C10orf71: variants seen among roughly 807,000 people sequenced by gnomAD.
C10orf71 encodes cardiac-enriched FHL2-interacting protein.
For synonymous variants in C10orf71, 758 were observed against 726.3 expected (o/e 1.04, Z -0.70); for missense variants, 1,869 against 1,804.5 (o/e 1.04, Z -0.65).
chr10:49,306,970 C>G (rs1435939178), intron 1 of C10orf71, among the ~76,000 whole-genome samples: 3 of 152,228 alleles, frequency 2.0e-5, no homozygotes, highest in Non-Finnish European at 2.9e-5. Context: ...GCAGCAGAAC[C>G]ATGGCTGCCA....
At chr10:49,305,473 TTAA>T (rs886779057) in intron 1 of C10orf71, among the ~76,000 whole-genome samples, 16 of 152,292 alleles carry the variant, frequency 1.1e-4, no homozygotes, top group African/African-American at 3.4e-4. Context: ...ATAATAAATA[TTAA>T]TAATACTAGG....
chr10:49,297,478 C>A (rs1256831182), upstream of C10orf71, among the ~76,000 whole-genome samples: 1 of 152,144 alleles, frequency 6.6e-6, no homozygotes, highest in Non-Finnish European at 1.5e-5. Context: ...TTTAAATTTT[C>A]TTTAAAGGAA....
At position 49,323,595 on chromosome 10, in the gene C10orf71, G is replaced by T. The variant is rs373739260; in HGVS notation, c.1050G>T (p.Gly350=). Reference sequence around the variant, plus strand: ...CTCTGTCCACATCTATACCCTGGGGGTGCAGGGATCCAGGAGCCCAGGTAT... The same window carrying T: ...CTCTGTCCACATCTATACCCTGGGGTTGCAGGGATCCAGGAGCCCAGGTAT... ...AGALSTSIPW[G]CRDPGAQVFA... The change falls in exon 3 of 3, where the codon GGG becomes GGT. Residue 350 remains glycine, a synonymous_variant. Coordinates refer to ENST00000374144, the MANE Select transcript of C10orf71 (RefSeq NM_001135196.2). The T allele has an allele frequency of 6.3e-5, 101 of 1,601,458 alleles. No individual in the cohort carries two copies. The highest frequency in any genetic ancestry group is 8.4e-5 in the Non-Finnish European group (99 of 1,175,226).
chr10:49,312,080 A>C (rs1019404230), intron 1 of C10orf71, among the ~76,000 whole-genome samples: 1 of 152,212 alleles, frequency 6.6e-6, no homozygotes, highest in Non-Finnish European at 1.5e-5. Flanking sequence ...ATGGGGATAC[A>C]TGTTCAGATT....
chr10:49,317,483 T>C (rs140942343), intron 2 of C10orf71, among the ~76,000 whole-genome samples: 43 of 152,354 alleles, frequency 2.8e-4, no homozygotes, highest in African/African-American at 9.9e-4. Context: ...ATAAGGCTGT[T>C]ACAGACGTAT....
chr10:49,324,880 C>T lies in C10orf71; in HGVS notation c.2335C>T (p.Leu779=). The T allele has an allele frequency of 6.4e-7, 1 of 1,551,684 alleles. No individual in the cohort carries two copies. The highest frequency in any genetic ancestry group is 8.7e-7 in the Non-Finnish European group (1 of 1,146,920). The change falls in exon 3 of 3, where the codon CTG becomes TTG. Residue 779 remains leucine, a synonymous_variant. Coordinates refer to ENST00000374144, the MANE Select transcript of C10orf71 (RefSeq NM_001135196.2). ...GGAGAATGTGATGCGGAAGGATGAGCTGCAGTACTGTGCCTTAAGCAATGG... is the reference window on the plus strand; with the variant it reads ...GGAGAATGTGATGCGGAAGGATGAGTTGCAGTACTGTGCCTTAAGCAATGG... ...EKENVMRKDE[L]QYCALSNGHA...
intron 1 of C10orf71, among the ~76,000 whole-genome samples, chr10:49,307,224 C>G (rs1415431908): frequency 6.6e-6 from 1 of 151,982 alleles, no homozygotes. Context: ...CTGAGCTCGC[C>G]AGGAGAAGCC....
At chr10:49,302,508 T>C (rs1848745720) in intron 1 of C10orf71, among the ~76,000 whole-genome samples, 1 of 152,228 alleles carries the variant, frequency 6.6e-6, no homozygotes, top group Non-Finnish European at 1.5e-5. Flanking sequence ...TTTTGGAGTA[T>C]CTGGTCTCAT....
At chr10:49,316,775 G>A (rs1217166002) in intron 2 of C10orf71, among the ~76,000 whole-genome samples, 5 of 152,134 alleles carry the variant, frequency 3.3e-5, no homozygotes, top group Non-Finnish European at 1.5e-5. Context: ...AATTGCTACA[G>A]TCCATGGGCC....
upstream of C10orf71, chr10:49,298,938 A>C (rs1848678306): frequency 6.6e-6 from 1 of 152,198 alleles, no homozygotes; most frequent in African/African-American, 2.4e-5. Context: ...TTCCCTAAAC[A>C]AATGTTTTCC....
chr10:49,324,755 T>A lies in C10orf71; in HGVS notation c.2210T>A (p.Phe737Tyr). The change falls in exon 3 of 3, where the codon TTT becomes TAT. Residue 737 changes from phenylalanine to tyrosine, a missense_variant. By Grantham distance (22) the Phe-to-Tyr change is conservative (BLOSUM62 3). Coordinates refer to ENST00000374144, the MANE Select transcript of C10orf71 (RefSeq NM_001135196.2). Reference protein sequence around the residue: ...KFSTSSSDQSFASFDDQQKMW... With the variant: ...KFSTSSSDQSYASFDDQQKMW... ...AGCACCAGCTCTTCAGATCAATCCT[T>A]TGCCTCATTTGATGATCAGCAGAAG... 1 of 1,557,798 alleles carries A rather than the reference T, an allele frequency of 6.4e-7. No individual in the cohort carries two copies. The highest frequency in any genetic ancestry group is 8.7e-7 in the Non-Finnish European group (1 of 1,149,582).
At chr10:49,321,642 GACT>G (rs1175695539) in intron 2 of C10orf71, among the ~76,000 whole-genome samples, 2 of 152,166 alleles carry the variant, frequency 1.3e-5, no homozygotes, top group Non-Finnish European at 2.9e-5. Flanking sequence ...TTTCCAAAGT[GACT>G]ACATCAATTT....
At position 49,327,116 on chromosome 10, in the gene C10orf71, CACTCT is replaced by C; in HGVS notation, c.*268_*272del. The C allele has an allele frequency of 8.1e-7, 1 of 1,237,586 alleles. No homozygotes were observed. Among genetic ancestry groups the C allele is most frequent in the African/African-American group, 1.5e-5 (1 of 66,390 alleles). 76.7% of individuals were successfully genotyped at this position (1,237,586 alleles called of 1,614,324 possible). A position where few individuals can be genotyped will look rare whatever the true frequency, so the allele number is the denominator to read the frequency against. On this transcript the variant is annotated 3_prime_UTR_variant, in exon 3 of 3. Coordinates refer to ENST00000374144, the MANE Select transcript of C10orf71 (RefSeq NM_001135196.2). ...TCCCCTCCGTGCCAGTTCCCAGGCG[CACTCT>C]ACTCCAGCCCTTCTCCCTCCCTCCC...
At chr10:49,316,873 GA>G (rs1232268324) in intron 2 of C10orf71, among the ~76,000 whole-genome samples, 2 of 152,130 alleles carry the variant, frequency 1.3e-5, no homozygotes, top group Non-Finnish European at 2.9e-5. Context: ...AAACCAAGGG[GA>G]GAGGAAATTT....
At position 49,326,956 on chromosome 10, in the gene C10orf71, C is replaced by CACACACACACAT. The variant is rs772154636; in HGVS notation, c.*109_*110insACACATACACAC. Reference sequence around the variant, plus strand: ...ACACACACACACACACACACACACACACACACGATCATCAACACATACTTA... The same window carrying CACACACACACAT: ...ACACACACACACACACACACACACACACACACACACATACACACGATCATCAACACATACTTA... On this transcript the variant is annotated 3_prime_UTR_variant, in exon 3 of 3. Transcript: ENST00000374144. The CACACACACACAT allele has an allele frequency of 3.8e-6, 6 of 1,587,088 alleles. No individual in the cohort carries two copies. The African/African-American group carries it at 8.1e-5, about 21-fold the overall frequency.
At chr10:49,317,213 C>G (rs578218356) in intron 2 of C10orf71, among the ~76,000 whole-genome samples, 2 of 152,244 alleles carry the variant, frequency 1.3e-5, no homozygotes, top group South Asian at 4.1e-4. Flanking sequence ...TGGTCAAAGC[C>G]ACTCAGGTTC....
chr10:49,325,296 G>C lies in C10orf71; in HGVS notation c.2751G>C (p.Ser917=). The C allele has an allele frequency of 1.3e-6, 2 of 1,551,698 alleles. No individual in the cohort carries two copies. The highest frequency in any genetic ancestry group is 1.7e-6 in the Non-Finnish European group (2 of 1,146,992). ...AAAACCAGGACATTCTTGGTACATC[G>C]ACACCCACTAACACACGGGGCACAC... ...APENQDILGT[S]TPTNTRGTRV... The change falls in exon 3 of 3, where the codon TCG becomes TCC. Residue 917 remains serine, a synonymous_variant. Coordinates refer to ENST00000374144, the MANE Select transcript of C10orf71 (RefSeq NM_001135196.2).
intron 1 of C10orf71, among the ~76,000 whole-genome samples, chr10:49,311,343 C>T (rs1044223118): frequency 2.6e-5 from 4 of 152,202 alleles, no homozygotes; most frequent in Non-Finnish European, 4.4e-5. Context: ...GATAGATCAG[C>T]GGAAGTTGGA....
At chr10:49,303,899 G>A (rs1475134807) in intron 1 of C10orf71, among the ~76,000 whole-genome samples, 1 of 152,174 alleles carries the variant, frequency 6.6e-6, no homozygotes, top group African/African-American at 2.4e-5. Flanking sequence ...GTGCTGGTTG[G>A]AGAAAGGACA....
Sources: allele counts gnomAD v4.1 joint callset (sites outside exome capture counted in the v4.1 genomes callset), GRCh38; gene constraint gnomAD v4.1.1; transcripts MANE v1.5; gene names NCBI Gene and HGNC (gene_info 2026-07-23, HGNC 2026-07-21).